SH3GL1: variants seen among roughly 807,000 people sequenced by gnomAD.
SH3GL1 encodes SH3 domain containing GRB2 like 1, endophilin A2.
Under a neutral mutation model 48.8 loss-of-function variants are expected in SH3GL1, and 21 were observed. That is an observed-to-expected ratio of 0.43 (90% CI 0.30 to 0.62). The LOEUF is 0.62. Among genes scored for constraint, SH3GL1 ranks in the 20% least tolerant of loss-of-function variants. SH3GL1 has a pLI of 0.11. For synonymous variants in SH3GL1, 282 were observed against 217.5 expected (o/e 1.30, Z -2.61); for missense variants, 454 against 503.0 (o/e 0.90, Z 0.93).
At chr19:4,364,484 G>A (rs1441000322) in intron 4 of SH3GL1, 1 of 478,976 alleles carries the variant, frequency 2.1e-6, no homozygotes. Flanking sequence ...AGGCTGCAGT[G>A]CAGTGGCATG....
chr19:4,395,416 G>A (rs530750458), intron 1 of SH3GL1: 1 of 152,302 alleles, frequency 6.6e-6, no homozygotes, highest in East Asian at 1.9e-4. Context: ...TGAGAGTCAT[G>A]TATGTTCTGT....
chr19:4,396,857 T>C (rs940825497), intron 1 of SH3GL1, among the ~76,000 whole-genome samples: 1 of 152,222 alleles, frequency 6.6e-6, no homozygotes, highest in Non-Finnish European at 1.5e-5. Flanking sequence ...CAATGTCCCC[T>C]GGAGGACAGA....
At position 4,367,408 on chromosome 19, in the gene SH3GL1, T is replaced by A. The variant is rs749690756; in HGVS notation, c.46-414A>T. ...GTGGGGATCTGCCCCCATCCTTGAGTATGTGGGGTCTACTTAAAAAAAAAA... is the reference window on the plus strand; with the variant it reads ...GTGGGGATCTGCCCCCATCCTTGAGAATGTGGGGTCTACTTAAAAAAAAAA... On this transcript the variant is annotated intron_variant, in intron 1 of 9. Coordinates refer to ENST00000269886, the MANE Select transcript of SH3GL1 (RefSeq NM_003025.4). This position sits in a 1 kb window ranked among gnomAD's most constrained non-coding sequence, Gnocchi z 4.2. Among the ~76,000 whole-genome samples the A allele has an allele frequency of 2.7e-5, 4 of 150,828 alleles. No homozygotes were observed. The highest frequency in any genetic ancestry group is 5.9e-5 in the Non-Finnish European group (4 of 67,794).
intron 1 of SH3GL1, among the ~76,000 whole-genome samples, chr19:4,382,725 G>A (rs972978396): frequency 1.1e-4 from 17 of 152,152 alleles, no homozygotes; most frequent in African/African-American, 4.1e-4. Context: ...CAGCCGTGGC[G>A]GGTGCTGTCC....
intron 1 of SH3GL1, among the ~76,000 whole-genome samples, chr19:4,392,534 A>T (rs1346779901): frequency 3.8e-5 from 2 of 52,944 alleles, no homozygotes; most frequent in African/African-American, 1.5e-4. Flanking sequence ...ACACACACAC[A>T]CACACACACA....
intron 1 of SH3GL1, among the ~76,000 whole-genome samples, chr19:4,377,394 T>C (rs982614300): frequency 1.3e-5 from 2 of 152,228 alleles, no homozygotes; most frequent in African/African-American, 4.8e-5. Flanking sequence ...CTGAGGAATG[T>C]GCCTTCACCT....
rs1973497311 is a variant in SH3GL1, at chr19:4,400,200, G to C, written c.45+124C>G. 5 of 1,064,668 alleles carry C rather than the reference G, an allele frequency of 4.7e-6. No homozygotes were observed. In the African/African-American group the frequency reaches 6.7e-5, roughly 14 times the overall value. 66.0% of individuals were successfully genotyped at this position (1,064,668 alleles called of 1,614,324 possible). A position where few individuals can be genotyped will look rare whatever the true frequency, so the allele number is the denominator to read the frequency against. ...CGTCCCTTGGTCTTCCCACCTGGCA[G>C]GGGACACGCGCCAACGTCCCCACCT... On this transcript the variant is annotated intron_variant, in intron 1 of 9. Coordinates refer to ENST00000269886, the MANE Select transcript of SH3GL1 (RefSeq NM_003025.4). The surrounding 1 kb of genome is among the most constrained non-coding windows in gnomAD (Gnocchi z 4.1).
Position 4,376,573 on chromosome 19 carries a change from G to C in SH3GL1, c.46-9579C>G, listed in dbSNP as rs1212130310. 1.3e-5 allele frequency among the ~76,000 whole-genome samples: 2 copies of C among 151,964 alleles called. No individual in the cohort carries two copies. Among genetic ancestry groups the C allele is most frequent in the Non-Finnish European group, 2.9e-5 (2 of 67,968 alleles). ...CACCTTCTCCCAACACACCACTGAT[G>C]CCTCCTCTCTCGTGCGCCTGCCCCT... is the stretch of plus-strand genomic sequence containing the variant. On this transcript the variant is annotated intron_variant, in intron 1 of 9. Transcript: ENST00000269886. This position sits in a 1 kb window ranked among gnomAD's most constrained non-coding sequence, Gnocchi z 4.3.
Position 4,364,210 on chromosome 19 carries a change from G to A in SH3GL1, c.343C>T (p.Leu115=). 1.9e-6 allele frequency: 3 copies of A among 1,613,810 alleles called. No individual in the cohort carries two copies. In the East Asian group the frequency reaches 6.7e-5, roughly 36 times the overall value. The part of the protein sequence containing the change: ...GGESNFGDAL[L]DAGESMKRLA... Reference sequence around the variant, plus strand: ...CGCTTCATGGACTCGCCGGCATCCAGCAATGCGTCACCTGTGGAGAAGTGG... The same window carrying A: ...CGCTTCATGGACTCGCCGGCATCCAACAATGCGTCACCTGTGGAGAAGTGG... Residue 115 remains leucine, a synonymous_variant, in exon 5 of 10, where the codon CTG becomes TTG. Coordinates refer to ENST00000269886, the MANE Select transcript of SH3GL1 (RefSeq NM_003025.4).
At chr19:4,390,449 T>A in intron 1 of SH3GL1, 2 of 144,410 alleles carry the variant, frequency 1.4e-5, no homozygotes, top group East Asian at 2.1e-4. Flanking sequence ...GAAGAAGAGG[T>A]GAGAGGGCAA....
chr19:4,395,315 G>A (rs1424108089), intron 1 of SH3GL1, among the ~76,000 whole-genome samples: 1 of 152,206 alleles, frequency 6.6e-6, no homozygotes, highest in Non-Finnish European at 1.5e-5. Flanking sequence ...GGTTCACACT[G>A]AAGAACCTAA....
chr19:4,391,488 C>T (rs2247205), intron 1 of SH3GL1, among the ~76,000 whole-genome samples: 53,476 of 152,036 alleles, frequency 0.35, 9,882 homozygotes, highest in Non-Finnish European at 0.42. Context: ...AACTTTTAGC[C>T]GAACTTTCAG....
rs1307212629 is a variant in SH3GL1 at position 4,364,067 on chromosome 19, A to G, written c.465+21T>C. On this transcript the variant is annotated intron_variant, in intron 5 of 9. Transcript: ENST00000269886. ...CCGGCAGGGGGAAGGGACAGGCCCCAGGCTGGCGCAGGAGCAGCACCTGGA... is the reference window on the plus strand; with the variant it reads ...CCGGCAGGGGGAAGGGACAGGCCCCGGGCTGGCGCAGGAGCAGCACCTGGA... 3.7e-6 allele frequency: 6 copies of G among 1,611,648 alleles called. No individual in the cohort carries two copies. The African/African-American group carries it at 6.7e-5, about 18-fold the overall frequency.
intron 5 of SH3GL1, 55 bp downstream of exon 5, chr19:4,364,033 C>G: frequency 6.2e-7 from 1 of 1,609,436 alleles, no homozygotes; most frequent in Non-Finnish European, 8.5e-7. Context: ...AGGAATGGGG[C>G]TGCCCCATCC....
chr19:4,362,827 C>G, intron 7 of SH3GL1, 91 bp from the exon 8 acceptor site: 3 of 1,595,298 alleles, frequency 1.9e-6, no homozygotes, highest in Non-Finnish European at 2.6e-6. Context: ...ATGACCTGGC[C>G]TGGGACTGCA....
chr19:4,390,342 C>T (rs969088981), intron 1 of SH3GL1: 1 of 152,516 alleles, frequency 6.6e-6, no homozygotes, highest in Non-Finnish European at 1.5e-5. Context: ...AAGTGCTTGC[C>T]AAATCCAGCC....
chr19:4,390,475 G>C (rs1206419261), intron 1 of SH3GL1: 1 of 152,388 alleles, frequency 6.6e-6, no homozygotes, highest in Admixed American at 6.6e-5. Context: ...GGGAGAGACA[G>C]AGAGAAAGAC....
chr19:4,386,714 G>A (rs1973242460), intron 1 of SH3GL1, among the ~76,000 whole-genome samples: 1 of 151,874 alleles, frequency 6.6e-6, no homozygotes, highest in South Asian at 2.1e-4. Context: ...TCAGGACCTG[G>A]CTGTTACCAA....
intron 1 of SH3GL1, among the ~76,000 whole-genome samples, chr19:4,379,037 G>A (rs566657590): frequency 6.6e-6 from 1 of 152,338 alleles, no homozygotes; most frequent in East Asian, 1.9e-4. Flanking sequence ...GTTGCGCCCA[G>A]AGCGCCTCCA....
Sources: allele counts gnomAD v4.1 joint callset (sites outside exome capture counted in the v4.1 genomes callset), GRCh38; gene constraint gnomAD v4.1.1; non-coding constraint Gnocchi (gnomAD v3.1); transcripts MANE v1.5; gene names NCBI Gene and HGNC (gene_info 2026-07-23, HGNC 2026-07-21).